The following CA10 variants were observed in gnomAD, a reference collection of about 807,000 sequenced individuals.
CA10 encodes the protein carbonic anhydrase 10 (inactive).
In CA10, 14 loss-of-function variants were observed where a neutral mutation model predicts 44.2. That is an observed-to-expected ratio of 0.32 (90% CI 0.21 to 0.50). CA10 has a LOEUF of 0.50. Ranked by LOEUF, CA10 falls within the 20% of genes least tolerant of loss-of-function variation. CA10 has a pLI of 0.99. For missense variants in CA10, 350 were observed against 409.7 expected (o/e 0.85, Z 1.26); for synonymous variants, 159 against 141.6 (o/e 1.12, Z -0.87).
intron 2 of CA10, among the ~76,000 whole-genome samples, chr17:51,966,023 A>G (rs1364915123): frequency 6.6e-6 from 1 of 152,042 alleles, no homozygotes; most frequent in Admixed American, 6.6e-5. Flanking sequence ...GTAAAGTTTC[A>G]TGTTATAAAG....
intron 4 of CA10, among the ~76,000 whole-genome samples, chr17:51,724,271 G>T (rs1352333357): frequency 6.6e-6 from 1 of 152,202 alleles, no homozygotes; most frequent in Non-Finnish European, 1.5e-5. Context: ...ACATTCCTTG[G>T]TTGGGAGATG....
intron 3 of CA10, among the ~76,000 whole-genome samples, chr17:51,800,791 A>G (rs536742195): frequency 2.6e-5 from 4 of 152,364 alleles, no homozygotes; most frequent in African/African-American, 9.6e-5. Flanking sequence ...AGTTAAATCT[A>G]TTCAACTGAG....
chr17:51,694,885 C>A (rs951677243), intron 4 of CA10, among the ~76,000 whole-genome samples: 4 of 152,232 alleles, frequency 2.6e-5, no homozygotes, highest in Non-Finnish European at 4.4e-5. Context: ...GGCTAGCTGG[C>A]TTTTCCAGCA....
At chr17:52,015,463 T>C (rs1001957396) in intron 2 of CA10, among the ~76,000 whole-genome samples, 2 of 152,118 alleles carry the variant, frequency 1.3e-5, no homozygotes, top group Non-Finnish European at 2.9e-5. Context: ...AGGAGAACAC[T>C]GAAAATATGA....
intron 3 of CA10, among the ~76,000 whole-genome samples, chr17:51,834,262 G>A (rs1263895): frequency 0.32 from 48,949 of 152,064 alleles, 8,435 homozygotes; most frequent in East Asian, 0.49. Context: ...CCTTTGAAAA[G>A]CAACATATGA....
At chr17:52,101,753 G>T (rs1305565057) in intron 1 of CA10, among the ~76,000 whole-genome samples, 1 of 152,082 alleles carries the variant, frequency 6.6e-6, no homozygotes, top group Non-Finnish European at 1.5e-5. Flanking sequence ...CTACCCTCTG[G>T]GGTGTGTATT....
rs1483255702 is a variant in CA10 at position 51,724,806 on chromosome 17, G to A, written c.465+22827C>T. The stretch of plus-strand genomic sequence containing the variant: ...CCAGGGAAAATTCCATTCCTTCCAT[G>A]CAATTCCCCTCTTAAATATCTTTGT... On this transcript the variant is annotated intron_variant, in intron 4 of 8. Transcript: ENST00000451037. 5.9e-5 allele frequency among the ~76,000 whole-genome samples: 9 copies of A among 152,226 alleles called. No homozygotes were observed. The East Asian group carries it at 1.4e-3, about 23-fold the overall frequency.
At chr17:51,941,534 G>A (rs917153582) in intron 2 of CA10, among the ~76,000 whole-genome samples, 1 of 152,100 alleles carries the variant, frequency 6.6e-6, no homozygotes, top group Non-Finnish European at 1.5e-5. Flanking sequence ...ATGTCTCAAT[G>A]CATGTCAATA....
chr17:51,756,478 T>TG (rs886407014), intron 3 of CA10, among the ~76,000 whole-genome samples: 2 of 150,608 alleles, frequency 1.3e-5, no homozygotes, highest in South Asian at 2.1e-4. Context: ...AGTTGTTTTT[T>TG]TTTTTTTTTT....
chr17:51,766,070 A>G (rs1905370358), intron 3 of CA10, among the ~76,000 whole-genome samples: 2 of 152,142 alleles, frequency 1.3e-5, no homozygotes, highest in African/African-American at 4.8e-5. Context: ...TGGTGCTGTA[A>G]ACTCATCCTA....
chr17:51,758,997 G>A (rs1905146467), intron 3 of CA10, among the ~76,000 whole-genome samples: 1 of 152,092 alleles, frequency 6.6e-6, no homozygotes, highest in South Asian at 2.1e-4. Context: ...TCAACAAGCA[G>A]GCCTAATCCG....
At chr17:51,946,054 G>A (rs373768151) in intron 2 of CA10, among the ~76,000 whole-genome samples, 1 of 152,052 alleles carries the variant, frequency 6.6e-6, no homozygotes, top group Admixed American at 6.6e-5. Flanking sequence ...GCCAGGCCCC[G>A]AAAACAAATA....
At chr17:51,862,792 C>T (rs756220160) in intron 3 of CA10, among the ~76,000 whole-genome samples, 12 of 150,728 alleles carry the variant, frequency 8.0e-5, no homozygotes, top group Non-Finnish European at 1.5e-4. Flanking sequence ...GTGTATGGGG[C>T]GGGGACGGGG....
chr17:51,831,253 C>G (rs892839927), intron 3 of CA10, among the ~76,000 whole-genome samples: 1 of 152,234 alleles, frequency 6.6e-6, no homozygotes, highest in East Asian at 1.9e-4. Context: ...TTGGCTCTCT[C>G]TGGCCCTCAT....
intron 3 of CA10, among the ~76,000 whole-genome samples, chr17:51,846,535 T>G (rs1321520081): frequency 6.6e-6 from 1 of 152,200 alleles, no homozygotes. Context: ...TTATCCTCAT[T>G]TCACAAGTGA....
intron 2 of CA10, among the ~76,000 whole-genome samples, chr17:52,027,460 A>G (rs1290023630): frequency 6.6e-6 from 1 of 152,170 alleles, no homozygotes; most frequent in Non-Finnish European, 1.5e-5. Flanking sequence ...CAGTTTTCTC[A>G]TCTATAATAA....
chr17:51,798,167 A>G (rs985057547), intron 3 of CA10, among the ~76,000 whole-genome samples: 5 of 152,230 alleles, frequency 3.3e-5, no homozygotes, highest in African/African-American at 1.2e-4. Flanking sequence ...TATATTCATA[A>G]TACAACACAT....
intron 3 of CA10, among the ~76,000 whole-genome samples, chr17:51,896,632 CTGTTT>C (rs1981079484): frequency 2.0e-5 from 3 of 152,180 alleles, no homozygotes; most frequent in Non-Finnish European, 2.9e-5. Context: ...AATGGTAGTT[CTGTTT>C]TAAGTTCTCT....
chr17:51,959,727 G>C (rs551986243), intron 2 of CA10, among the ~76,000 whole-genome samples: 55 of 145,254 alleles, frequency 3.8e-4, no homozygotes, highest in African/African-American at 1.3e-3. Flanking sequence ...ACAGAAGCCA[G>C]AGTCTAAATA....
Sources: gnomAD v4.1 joint callset for allele counts (sites outside exome capture counted in the v4.1 genomes callset) on GRCh38, gnomAD v4.1.1 for gene constraint, MANE v1.5 for transcripts, NCBI Gene and HGNC (gene_info 2026-07-23, HGNC 2026-07-21) for gene names.